The following SLC23A2 variants were observed in gnomAD, a reference collection of about 807,000 sequenced individuals.
The protein encoded by SLC23A2 is Na(+)/L-ascorbic acid transporter 2.
In SLC23A2, 36 loss-of-function variants were observed where a neutral mutation model predicts 73.3. The ratio of observed to expected loss-of-function variants is 0.49; its 90% confidence interval spans 0.38 to 0.65. The LOEUF (loss-of-function observed/expected upper bound fraction) is 0.65. Ranked by LOEUF, SLC23A2 falls within the 30% of genes least tolerant of loss-of-function variation. The pLI is 0.00. For synonymous variants in SLC23A2, 343 were observed against 327.3 expected, an observed-to-expected ratio of 1.05 and a Z score of -0.52; for missense variants, 507 against 841.6, an observed-to-expected ratio of 0.60 and a Z score of 4.92.
upstream of SLC23A2, chr20:5,001,546 G>C (rs529049546): frequency 9.9e-4 from 150 of 150,846 alleles, no homozygotes; most frequent in Middle Eastern, 3.4e-3. Context: ...GGGTGCAGCG[G>C]AGCCGCCCGC....
chr20:4,876,538 C>A (rs1199503241), intron 9 of SLC23A2, among the ~76,000 whole-genome samples: 2 of 152,234 alleles, frequency 1.3e-5, no homozygotes, highest in African/African-American at 4.8e-5. Flanking sequence ...CCCATGTCCA[C>A]ACATCTTAAC....
chr20:4,968,986 G>T (rs1421728116), intron 2 of SLC23A2, among the ~76,000 whole-genome samples: 1 of 152,112 alleles, frequency 6.6e-6, no homozygotes, highest in Non-Finnish European at 1.5e-5. Flanking sequence ...CTCCCAAAGT[G>T]CTGGGATTAC....
chr20:4,870,494 T>C (rs912716239), intron 11 of SLC23A2, among the ~76,000 whole-genome samples: 15 of 151,982 alleles, frequency 9.9e-5, no homozygotes, highest in South Asian at 2.1e-4. Context: ...GGAGAATCAC[T>C]TGAACCTAGG....
chr20:4,885,392 G>A (rs1052072884), intron 7 of SLC23A2, among the ~76,000 whole-genome samples: 2 of 152,158 alleles, frequency 1.3e-5, no homozygotes. Flanking sequence ...ACTAAAGAAG[G>A]GGAATGAAAG....
In SLC23A2 at chr20:4,883,372, C is replaced by T. The variant is rs1324962787; in HGVS notation, c.824+270G>A. ...GACCTCAAAAGTCAAAAACAAATGG[C>T]GCCACTACCTTACCCCACTACCAAA... On this transcript the variant is annotated intron_variant, in intron 9 of 16. Coordinates refer to ENST00000338244, the MANE Select transcript of SLC23A2 (RefSeq NM_005116.6). This position sits in a 1 kb window ranked among gnomAD's most constrained non-coding sequence, Gnocchi z 4.5. Among the ~76,000 whole-genome samples, 2 of 152,142 alleles carry T rather than the reference C, an allele frequency of 1.3e-5. No homozygotes were observed. The highest frequency in any genetic ancestry group is 1.9e-4 in the East Asian group (1 of 5,204).
intron 1 of SLC23A2, among the ~76,000 whole-genome samples, chr20:4,986,049 G>C (rs2087820659): frequency 6.6e-6 from 1 of 152,108 alleles, no homozygotes; most frequent in South Asian, 2.1e-4. Flanking sequence ...CTTTTCCATA[G>C]GATAGTATGA....
chr20:4,994,513 G>A (rs968363295), intron 1 of SLC23A2, among the ~76,000 whole-genome samples: 5 of 152,092 alleles, frequency 3.3e-5, no homozygotes, highest in Admixed American at 6.6e-5. Flanking sequence ...GGCCAGGTGC[G>A]GCGGCTCACA....
In SLC23A2 at chr20:4,869,933, G is replaced by T; in HGVS notation, c.1223C>A (p.Pro408Gln). 2 of 1,606,292 alleles carry T rather than the reference G, an allele frequency of 1.2e-6. No individual in the cohort carries two copies. Among genetic ancestry groups the T allele is most frequent in the Non-Finnish European group, 8.5e-7 (1 of 1,173,566 alleles). ...YYACARLSCA[P>Q]PPPIHAINRG... ...GTTTATTGCGTGGATGGGGGGGGGTGGGGCACAGGACAGCCGTGCACAGGC... is the reference window on the plus strand; with the variant it reads ...GTTTATTGCGTGGATGGGGGGGGGTTGGGCACAGGACAGCCGTGCACAGGC... Residue 408 changes from proline to glutamine, a missense_variant, in exon 12 of 17, where the codon CCA becomes CAA. Pro to Gln is a moderately conservative substitution (Grantham distance 76). Around this residue, in one of 5 missense-constraint regions of SLC23A2, gnomAD observed 27 missense variants for 18.2 expected, o/e 1.48. Transcript: ENST00000338244.
intron 1 of SLC23A2, among the ~76,000 whole-genome samples, chr20:4,985,735 A>C (rs1355349104): frequency 6.6e-6 from 1 of 152,224 alleles, no homozygotes; most frequent in African/African-American, 2.4e-5. Flanking sequence ...GGCATGAGCC[A>C]CTGTGCCTGG....
intron 2 of SLC23A2, among the ~76,000 whole-genome samples, chr20:4,969,127 C>G (rs995323688): frequency 6.6e-6 from 1 of 151,924 alleles, no homozygotes; most frequent in African/African-American, 2.4e-5. Flanking sequence ...CCTCTTGTTA[C>G]CCAGGCTGGA....
intron 7 of SLC23A2, among the ~76,000 whole-genome samples, chr20:4,885,071 C>G (rs1461642688): frequency 1.3e-5 from 2 of 152,206 alleles, no homozygotes; most frequent in East Asian, 3.8e-4. Flanking sequence ...AGTGGTGATA[C>G]ACGTTACTAG....
intron 6 of SLC23A2, among the ~76,000 whole-genome samples, chr20:4,890,239 T>G (rs1229278549): frequency 2.0e-5 from 3 of 151,690 alleles, no homozygotes; most frequent in Admixed American, 6.6e-5. Context: ...CACTCAAGAG[T>G]CTAAACTGCA....
chr20:4,971,456 G>A (rs1332239328), intron 1 of SLC23A2, among the ~76,000 whole-genome samples: 4 of 151,400 alleles, frequency 2.6e-5, no homozygotes, highest in African/African-American at 9.7e-5. Flanking sequence ...ACTCCAGCTT[G>A]GATGACAGAG....
chr20:4,909,388 G>T (rs1932065822), intron 4 of SLC23A2, among the ~76,000 whole-genome samples: 1 of 152,128 alleles, frequency 6.6e-6, no homozygotes. Context: ...CCAGCCGCTG[G>T]TTACGTAGAA....
At chr20:4,931,528 G>A (rs1600145214) in intron 3 of SLC23A2, among the ~76,000 whole-genome samples, 1 of 152,188 alleles carries the variant, frequency 6.6e-6, no homozygotes. Flanking sequence ...AGGCTGAGGC[G>A]AGAGCATCAC....
intron 9 of SLC23A2, among the ~76,000 whole-genome samples, chr20:4,880,233 T>C (rs1930829566): frequency 6.6e-6 from 1 of 152,234 alleles, no homozygotes; most frequent in Non-Finnish European, 1.5e-5. Context: ...TTAGTGCATA[T>C]AGTCTCTGTT....
intron 1 of SLC23A2, among the ~76,000 whole-genome samples, chr20:4,974,218 C>G (rs1268026848): frequency 6.6e-6 from 1 of 152,062 alleles, no homozygotes; most frequent in Non-Finnish European, 1.5e-5. Context: ...TGCCTGTAAT[C>G]CCAGCACTTT....
At chr20:4,879,408 CAAA>C (rs111565515) in intron 9 of SLC23A2, among the ~76,000 whole-genome samples, 12 of 43,006 alleles carry the variant, frequency 2.8e-4, no homozygotes, top group East Asian at 7.1e-4. Flanking sequence ...AACTCTGTCT[CAAA>C]AAAAAAAAAA....
chr20:4,949,865 C>CT (rs2087172808), intron 2 of SLC23A2, among the ~76,000 whole-genome samples: 1 of 152,224 alleles, frequency 6.6e-6, no homozygotes, highest in African/African-American at 2.4e-5. Flanking sequence ...AAACTCCACC[C>CT]TTCCACAGAA....
Sources: gnomAD v4.1 joint callset for allele counts (sites outside exome capture counted in the v4.1 genomes callset) on GRCh38, gnomAD v4.1.1 for gene constraint, gnomAD v4.1.1 regional missense constraint, Gnocchi (gnomAD v3.1) non-coding constraint, MANE v1.5 for transcripts, NCBI Gene and HGNC (gene_info 2026-07-23, HGNC 2026-07-21) for gene names.